Variants in KCNN2 observed in about 807,000 individuals in gnomAD.
The protein encoded by KCNN2 is potassium calcium-activated channel subfamily N member 2.
A neutral mutation model predicts 55.5 loss-of-function variants in KCNN2; 24 were observed. The ratio of observed to expected loss-of-function variants is 0.43; its 90% confidence interval spans 0.31 to 0.61. KCNN2 has a LOEUF of 0.61. Ranked by LOEUF, KCNN2 falls within the 20% of genes least tolerant of loss-of-function variation. The pLI is 0.08. For missense variants in KCNN2, 754 were observed against 853.6 expected (o/e 0.88, Z 1.45); for synonymous variants, 431 against 336.1 (o/e 1.28, Z -3.09).
chr5:114,388,886 C>T (rs1182914387), intron 2 of KCNN2, among the ~76,000 whole-genome samples: 1 of 151,994 alleles, frequency 6.6e-6, no homozygotes, highest in Non-Finnish European at 1.5e-5. Context: ...TTTTACAGCC[C>T]TTCTGCATTT....
intron 2 of KCNN2, among the ~76,000 whole-genome samples, chr5:114,386,897 T>TGTA (rs766692943): frequency 6.6e-6 from 1 of 152,240 alleles, no homozygotes; most frequent in Non-Finnish European, 1.5e-5. Flanking sequence ...TTAAGACGTA[T>TGTA]GTAGATTTTT....
intron 3 of KCNN2, among the ~76,000 whole-genome samples, chr5:114,424,171 A>G (rs1759550381): frequency 6.6e-6 from 1 of 152,230 alleles, no homozygotes; most frequent in African/African-American, 2.4e-5. Flanking sequence ...ATAACTATGG[A>G]TAATAATCCT....
chr5:114,219,964 T>G (rs1754097743), intron 1 of KCNN2, among the ~76,000 whole-genome samples: 2 of 152,216 alleles, frequency 1.3e-5, no homozygotes, highest in Admixed American at 6.5e-5. Context: ...GGTCAAAAAT[T>G]GTCTTTGTTG....
At chr5:114,159,690 T>C (rs550048642) in intron 1 of KCNN2, among the ~76,000 whole-genome samples, 1 of 152,326 alleles carries the variant, frequency 6.6e-6, no homozygotes, top group African/African-American at 2.4e-5. Context: ...AGCCTGTTAT[T>C]GGTCTATTCA....
intron 2 of KCNN2, among the ~76,000 whole-genome samples, chr5:114,301,631 G>C (rs1756162720): frequency 6.6e-6 from 1 of 152,104 alleles, no homozygotes; most frequent in African/African-American, 2.4e-5. Flanking sequence ...AGCCAGCGTG[G>C]GAGCCAAACT....
chr5:114,062,853 A>G (rs1183619511), intron 1 of KCNN2, among the ~76,000 whole-genome samples: 2 of 152,234 alleles, frequency 1.3e-5, no homozygotes, highest in African/African-American at 4.8e-5. Flanking sequence ...TTAAAATGTT[A>G]GGATACTAAT....
intron 2 of KCNN2, among the ~76,000 whole-genome samples, chr5:114,341,091 G>A (rs1402213599): frequency 6.6e-6 from 1 of 152,082 alleles, no homozygotes; most frequent in Non-Finnish European, 1.5e-5. Context: ...GTCATCCATT[G>A]GCAGACACTT....
At chr5:114,485,533 T>C (rs1291242104) in intron 5 of KCNN2, among the ~76,000 whole-genome samples, 1 of 152,212 alleles carries the variant, frequency 6.6e-6, no homozygotes, top group Non-Finnish European at 1.5e-5. Flanking sequence ...CTCCCGGCTG[T>C]CTGAGGAAGT....
intron 2 of KCNN2, among the ~76,000 whole-genome samples, chr5:114,283,136 C>T (rs1755657485): frequency 6.6e-6 from 1 of 152,114 alleles, no homozygotes; most frequent in Non-Finnish European, 1.5e-5. Context: ...AACATTGCTT[C>T]TGCCTCATTT....
At chr5:114,300,642 A>G (rs1444705281) in intron 2 of KCNN2, among the ~76,000 whole-genome samples, 5 of 152,172 alleles carry the variant, frequency 3.3e-5, no homozygotes, top group African/African-American at 1.2e-4. Context: ...GTTCTCAGTT[A>G]TTTGCTTTTG....
intron 2 of KCNN2, among the ~76,000 whole-genome samples, chr5:114,371,668 CAG>C (rs992964444): frequency 2.6e-5 from 4 of 152,146 alleles, no homozygotes; most frequent in African/African-American, 9.7e-5. Context: ...CACAGGATCA[CAG>C]AACAAACATT....
chr5:114,325,011 A>T (rs1017468236), intron 2 of KCNN2, among the ~76,000 whole-genome samples: 4 of 152,210 alleles, frequency 2.6e-5, no homozygotes, highest in African/African-American at 9.6e-5. Flanking sequence ...AAAAGAAATA[A>T]GGAACTTGTT....
At chr5:114,315,542 A>C (rs1756486468) in intron 2 of KCNN2, among the ~76,000 whole-genome samples, 1 of 151,300 alleles carries the variant, frequency 6.6e-6, no homozygotes, top group South Asian at 2.1e-4. Flanking sequence ...TTTATTACTT[A>C]TTTTAGTGGT....
intron 2 of KCNN2, 111 bp downstream of exon 2, chr5:114,364,112 A>G (rs576074107): frequency 9.2e-6 from 7 of 763,594 alleles, no homozygotes; most frequent in African/African-American, 5.2e-5. Flanking sequence ...TTGAGGTTAC[A>G]GAAGACACAT....
chr5:114,445,378 A>T (rs1760364000), intron 3 of KCNN2, among the ~76,000 whole-genome samples: 1 of 152,236 alleles, frequency 6.6e-6, no homozygotes, highest in Non-Finnish European at 1.5e-5. Context: ...ATTTTAATAA[A>T]GTGTTCAGCT....
intron 1 of KCNN2, among the ~76,000 whole-genome samples, chr5:114,073,536 T>C (rs1750620969): frequency 6.6e-6 from 1 of 152,214 alleles, no homozygotes; most frequent in Admixed American, 6.5e-5. Flanking sequence ...CATTTACAGT[T>C]CTTCAGGCCT....
chr5:114,484,165 A>G (rs1400042496), intron 5 of KCNN2, among the ~76,000 whole-genome samples: 1 of 152,146 alleles, frequency 6.6e-6, no homozygotes, highest in Non-Finnish European at 1.5e-5. Flanking sequence ...AGCTGTGCCT[A>G]AAGCACTGAG....
intron 1 of KCNN2, among the ~76,000 whole-genome samples, chr5:114,164,502 C>T (rs553302755): frequency 6.6e-6 from 1 of 152,088 alleles, no homozygotes; most frequent in African/African-American, 2.4e-5. Flanking sequence ...TTTTGGACAG[C>T]CTGTTGAGGT....
intron 1 of KCNN2, among the ~76,000 whole-genome samples, chr5:114,118,428 G>A (rs922722232): frequency 6.6e-6 from 1 of 152,184 alleles, no homozygotes; most frequent in African/African-American, 2.4e-5. Flanking sequence ...GGGAAAGCCA[G>A]TTTGTGTAAT....
Sources: allele counts gnomAD v4.1 joint callset (sites outside exome capture counted in the v4.1 genomes callset), GRCh38; gene constraint gnomAD v4.1.1; transcripts MANE v1.5; gene names NCBI Gene and HGNC (gene_info 2026-07-23, HGNC 2026-07-21).